HSD17B12: variants seen among roughly 807,000 people sequenced by gnomAD.
HSD17B12 encodes hydroxysteroid 17-beta dehydrogenase 12.
Under a neutral mutation model 39.3 loss-of-function variants are expected in HSD17B12, and 32 were observed. That is an observed-to-expected ratio of 0.81 (90% CI 0.61 to 1.09). The LOEUF is 1.09. Ranked by LOEUF, HSD17B12 falls within the 50% of genes least tolerant of loss-of-function variation. The pLI is 0.00. For missense variants in HSD17B12, 342 were observed against 382.9 expected, an observed-to-expected ratio of 0.89 and a Z score of 0.89; for synonymous variants, 150 against 146.7, an observed-to-expected ratio of 1.02 and a Z score of -0.16.
At chr11:43,700,399 C>T (rs985406377) in intron 1 of HSD17B12, among the ~76,000 whole-genome samples, 6 of 152,012 alleles carry the variant, frequency 3.9e-5, no homozygotes, top group East Asian at 1.9e-4. Flanking sequence ...TGACTACAGT[C>T]GCCACATTGT....
In HSD17B12 at chr11:43,760,132, A is replaced by G. The variant is rs561022345; in HGVS notation, c.283+6011A>G. ...AGGCTGGTCTTGAACTCCTGGCTTCATGTGATCCACCCACCTCGGCCTGCC... is the reference window on the plus strand; with the variant it reads ...AGGCTGGTCTTGAACTCCTGGCTTCGTGTGATCCACCCACCTCGGCCTGCC... On this transcript the variant is annotated intron_variant, in intron 3 of 10. Coordinates refer to ENST00000278353, the MANE Select transcript of HSD17B12 (RefSeq NM_016142.3). Among the ~76,000 whole-genome samples, 353 of 152,240 alleles carry G rather than the reference A, an allele frequency of 2.3e-3. 1 individual carries two copies. The highest frequency in any genetic ancestry group is 8.1e-3 in the African/African-American group (337 of 41,550).
chr11:43,623,837 C>A, the HSD17B12 span, among the ~76,000 whole-genome samples: 2 of 152,004 alleles, frequency 1.3e-5, no homozygotes, highest in African/African-American at 4.8e-5. Flanking sequence ...CATAAAATGT[C>A]ACAAGATTTC....
At chr11:43,592,298 G>A in the HSD17B12 span, among the ~76,000 whole-genome samples, 1 of 151,598 alleles carries the variant, frequency 6.6e-6, no homozygotes, top group Non-Finnish European at 1.5e-5. Flanking sequence ...TTTTGTGTGT[G>A]TGTTTTTTTA....
intron 4 of HSD17B12, among the ~76,000 whole-genome samples, chr11:43,801,228 G>A (rs1950965050): frequency 1.3e-5 from 2 of 152,130 alleles, no homozygotes; most frequent in Admixed American, 6.6e-5. Flanking sequence ...AATTATCTGT[G>A]GGATAAGTGT....
At chr11:43,654,715 G>A in the HSD17B12 span, among the ~76,000 whole-genome samples, 1 of 152,118 alleles carries the variant, frequency 6.6e-6, no homozygotes, top group Non-Finnish European at 1.5e-5. Flanking sequence ...TAGATGTGTG[G>A]TGTTATTTCT....
intron 1 of HSD17B12, chr11:43,733,956 C>A: frequency 1.4e-6 from 1 of 703,260 alleles, no homozygotes; most frequent in South Asian, 1.5e-5. Context: ...AACCAATTAT[C>A]TTTGCTGTTC....
chr11:43,841,031 T>TAA (rs1170521573), intron 9 of HSD17B12, among the ~76,000 whole-genome samples: 1 of 152,158 alleles, frequency 6.6e-6, no homozygotes, highest in Non-Finnish European at 1.5e-5. Context: ...CACCAACACT[T>TAA]GTTATTTTCT....
chr11:43,654,643 T>G, the HSD17B12 span, among the ~76,000 whole-genome samples: 1 of 152,218 alleles, frequency 6.6e-6, no homozygotes, highest in South Asian at 2.1e-4. Flanking sequence ...CACCATTTAT[T>G]AAATAGGGAA....
At chr11:43,797,749 G>A (rs1950927958) in intron 3 of HSD17B12, among the ~76,000 whole-genome samples, 1 of 152,138 alleles carries the variant, frequency 6.6e-6, no homozygotes, top group Non-Finnish European at 1.5e-5. Context: ...TGTTTCTCAT[G>A]TTACTTTATT....
chr11:43,606,244 A>G, the HSD17B12 span, among the ~76,000 whole-genome samples: 11 of 152,192 alleles, frequency 7.2e-5, no homozygotes, highest in African/African-American at 2.7e-4. Flanking sequence ...CAATCCAAGC[A>G]CCTTTCCGCA....
intron 1 of HSD17B12, among the ~76,000 whole-genome samples, chr11:43,701,894 C>T (rs916051586): frequency 6.6e-6 from 1 of 152,126 alleles, no homozygotes; most frequent in African/African-American, 2.4e-5. Flanking sequence ...ATAGGGATTA[C>T]ATTGAATTTG....
chr11:43,754,105 G>A lies in HSD17B12; in HGVS notation c.267G>A (p.Gln89=). 6.2e-7 allele frequency: 1 copy of A among 1,610,416 alleles called. No homozygotes were observed. Among genetic ancestry groups the A allele is most frequent in the South Asian group, 1.1e-5 (1 of 90,614 alleles). ...LISRSKDKLD[Q]VSSEIKEKFK... ...GCAGATCAAAGGATAAACTTGACCAGGTTTCCAGTGAAATAAGTAAGTTCT... is the reference window on the plus strand; with the variant it reads ...GCAGATCAAAGGATAAACTTGACCAAGTTTCCAGTGAAATAAGTAAGTTCT... Residue 89 remains glutamine (Q), a synonymous_variant, in exon 3 of 11, where the codon CAG becomes CAA. Transcript: ENST00000278353.
chr11:43,655,331 C>T, the HSD17B12 span, among the ~76,000 whole-genome samples: 1 of 152,106 alleles, frequency 6.6e-6, no homozygotes, highest in Non-Finnish European at 1.5e-5. Context: ...TTTCTAGATA[C>T]ACAATCATGT....
Position 43,757,768 on chromosome 11 carries a change from A to G in HSD17B12, c.283+3647A>G, listed in dbSNP as rs537305709. 3.9e-5 allele frequency among the ~76,000 whole-genome samples: 6 copies of G among 152,140 alleles called. No homozygotes were observed. In the East Asian group the frequency reaches 1.2e-3, roughly 29 times the overall value. ...CAGCCTATATTGAATGCCACAAAGGAAACAAAGGGCTAGAGAGATAACAAT... is the reference window on the plus strand; with the variant it reads ...CAGCCTATATTGAATGCCACAAAGGGAACAAAGGGCTAGAGAGATAACAAT... On this transcript the variant is annotated intron_variant, in intron 3 of 10. Transcript: ENST00000278353.
At chr11:43,813,811 G>C (rs187658528) in intron 4 of HSD17B12, among the ~76,000 whole-genome samples, 4 of 152,160 alleles carry the variant, frequency 2.6e-5, no homozygotes, top group Non-Finnish European at 5.9e-5. Context: ...TCCCTATTCA[G>C]ATGAGTATGA....
chr11:43,660,669 C>T, the HSD17B12 span, among the ~76,000 whole-genome samples: 1 of 152,182 alleles, frequency 6.6e-6, no homozygotes, highest in South Asian at 2.1e-4. Context: ...TTAGTTTGCT[C>T]CTCACTATTG....
chr11:43,589,055 A>G, the HSD17B12 span, among the ~76,000 whole-genome samples: 1 of 151,922 alleles, frequency 6.6e-6, no homozygotes, highest in African/African-American at 2.4e-5. Context: ...TATTTTCAGC[A>G]TATATCCAGT....
At chr11:43,653,182 A>G in the HSD17B12 span, among the ~76,000 whole-genome samples, 92 of 152,276 alleles carry the variant, frequency 6.0e-4, no homozygotes, top group Non-Finnish European at 1.1e-3. Context: ...TTATAACAAA[A>G]GACTATAACA....
chr11:43,718,359 A>G (rs1950144177), intron 1 of HSD17B12, among the ~76,000 whole-genome samples: 1 of 152,224 alleles, frequency 6.6e-6, no homozygotes, highest in Non-Finnish European at 1.5e-5. Context: ...TATGGCATCA[A>G]CCTGGAGTCC....
Sources: allele counts gnomAD v4.1 joint callset (sites outside exome capture counted in the v4.1 genomes callset), GRCh38; gene constraint gnomAD v4.1.1; transcripts MANE v1.5; gene names NCBI Gene and HGNC (gene_info 2026-07-23, HGNC 2026-07-21).